The following HIP1R variants were observed in gnomAD, a reference collection of about 807,000 sequenced individuals.
HIP1R encodes the protein huntingtin interacting protein 1 related, also known as huntingtin-interacting protein 1-related protein.
In HIP1R, 135 loss-of-function variants were observed where a neutral mutation model predicts 144.2. The observed-to-expected ratio is 0.94, with a 90% CI of 0.81 to 1.08. The LOEUF (loss-of-function observed/expected upper bound fraction) is 1.08. Among genes scored for constraint, HIP1R ranks in the 50% least tolerant of loss-of-function variants. The pLI is 0.00. For missense variants in HIP1R, 1,462 were observed against 1,432.8 expected (o/e 1.02, Z -0.33); for synonymous variants, 698 against 612.8 (o/e 1.14, Z -2.05).
rs1021323289 is a variant in HIP1R at position 122,854,164 on chromosome 12, C to T, written c.699C>T (p.Leu233=). Residue 233 remains leucine, a synonymous_variant, in exon 8 of 32, where the codon CTC becomes CTT. Transcript: ENST00000253083. The part of the protein sequence containing the change: ...CSHLYHYTVK[L]LFKLHSCLPA... The stretch of plus-strand genomic sequence containing the variant: ...ACCTCTACCACTACACGGTCAAGCT[C>T]CTGTTCAAGCTACACTCTTGTGAGT... The T allele has an allele frequency of 6.2e-7, 1 of 1,613,818 alleles. No homozygotes were observed. Among genetic ancestry groups the T allele is most frequent in the South Asian group, 1.1e-5 (1 of 91,058 alleles).
In HIP1R at chr12:122,856,535, A is replaced by G. The variant is rs1381384318; in HGVS notation, c.1505A>G (p.Glu502Gly). 6.2e-7 allele frequency: 1 copy of G among 1,600,204 alleles called. No homozygotes were observed. Among genetic ancestry groups the G allele is most frequent in the East Asian group, 2.3e-5 (1 of 44,372 alleles). Reference protein sequence around the residue: ...LAFQVEQVKRESELKLEEKSD... With the variant: ...LAFQVEQVKRGSELKLEEKSD... ...TTCCAGGTGGAGCAGGTGAAGCGGGAGTCGGAGTTGAAGGTATGTCCCTTG... is the reference window on the plus strand; with the variant it reads ...TTCCAGGTGGAGCAGGTGAAGCGGGGGTCGGAGTTGAAGGTATGTCCCTTG... Residue 502 changes from glutamate to glycine, a missense_variant, in exon 16 of 32, where the codon GAG (glutamate) becomes GGG (glycine). Glu to Gly is a moderately conservative substitution (Grantham distance 98). Coordinates refer to ENST00000253083, the MANE Select transcript of HIP1R (RefSeq NM_003959.3).
chr12:122,849,121 C>T (rs972979832), intron 4 of HIP1R, among the ~76,000 whole-genome samples: 1 of 152,260 alleles, frequency 6.6e-6, no homozygotes, highest in African/African-American at 2.4e-5. Flanking sequence ...AAGACCACAG[C>T]CCGGGCACCT....
intron 7 of HIP1R, among the ~76,000 whole-genome samples, chr12:122,852,499 C>T (rs749397701): frequency 4.7e-4 from 71 of 152,300 alleles, no homozygotes; most frequent in African/African-American, 1.6e-3. Context: ...AGTGGCCCCA[C>T]GAGGGAAGTG....
At position 122,840,983 on chromosome 12, in the gene HIP1R, A is replaced by G. The variant is rs1201213959; in HGVS notation, c.93+5340A>G. Among the ~76,000 whole-genome samples the G allele has an allele frequency of 6.6e-6, 1 of 152,178 alleles. No homozygotes were observed. The highest frequency in any genetic ancestry group is 1.5e-5 in the Non-Finnish European group (1 of 68,026). ...CCAGCGCTGCACCGGTCATTCGCGAATGAAACCCAGCTGGCCACTGGATCC... is the reference window on the plus strand; with the variant it reads ...CCAGCGCTGCACCGGTCATTCGCGAGTGAAACCCAGCTGGCCACTGGATCC... On this transcript the variant is annotated intron_variant, in intron 1 of 31. Coordinates refer to ENST00000253083, the MANE Select transcript of HIP1R (RefSeq NM_003959.3). The surrounding 1 kb of genome is among the most constrained non-coding windows in gnomAD (Gnocchi z 4.2).
chr12:122,855,471 CG>C (rs1023622058), intron 11 of HIP1R, 66 bp downstream of exon 11: 2 of 1,546,498 alleles, frequency 1.3e-6, no homozygotes, highest in African/African-American at 2.7e-5. Flanking sequence ...ACGGGAGTGT[CG>C]GGTGGCCAGC....
chr12:122,840,966 G>T lies in HIP1R; in HGVS notation c.93+5323G>T, dbSNP rs1225150390. On this transcript the variant is annotated intron_variant, in intron 1 of 31. Transcript: ENST00000253083. This position sits in a 1 kb window ranked among gnomAD's most constrained non-coding sequence, Gnocchi z 4.2. ...AGAAGCCAGCCTCCCAGCCAGCGCT[G>T]CACCGGTCATTCGCGAATGAAACCC... is the stretch of plus-strand genomic sequence containing the variant. 2.0e-5 allele frequency among the ~76,000 whole-genome samples: 3 copies of T among 152,194 alleles called. No individual in the cohort carries two copies. Among genetic ancestry groups the T allele is most frequent in the African/African-American group, 4.8e-5 (2 of 41,432 alleles).
intron 28 of HIP1R, 28 bp from the exon 29 acceptor site, chr12:122,860,888 G>A (rs1449054568): frequency 6.2e-7 from 1 of 1,602,972 alleles, no homozygotes; most frequent in Non-Finnish European, 8.5e-7. Context: ...TGGGAGACCT[G>A]GGCCCACCCT....
chr12:122,850,170 C>T (rs539232427), intron 5 of HIP1R: 113 of 676,622 alleles, frequency 1.7e-4, no homozygotes, highest in East Asian at 8.5e-4. Flanking sequence ...GACGTGGGCA[C>T]GGGCTTCCCC....
intron 9 of HIP1R, 42 bp downstream of exon 9, chr12:122,855,004 G>A (rs553363533): frequency 6.2e-7 from 1 of 1,613,492 alleles, no homozygotes; most frequent in South Asian, 1.1e-5. Context: ...CGGTGGGGGA[G>A]AGGCTCCGTG....
At chr12:122,847,377 G>A (rs1469215279) in intron 1 of HIP1R, among the ~76,000 whole-genome samples, 2 of 152,182 alleles carry the variant, frequency 1.3e-5, no homozygotes, top group African/African-American at 2.4e-5. Flanking sequence ...CAAGTGTGAA[G>A]GTGCCACTTG....
At chr12:122,845,146 C>T (rs1444752177) in intron 1 of HIP1R, among the ~76,000 whole-genome samples, 1 of 152,244 alleles carries the variant, frequency 6.6e-6, no homozygotes, top group Non-Finnish European at 1.5e-5. Flanking sequence ...GCCCGAGTGC[C>T]TGCTGCTGCG....
chr12:122,843,246 C>A (rs1178839747), intron 1 of HIP1R, among the ~76,000 whole-genome samples: 1 of 152,196 alleles, frequency 6.6e-6, no homozygotes, highest in South Asian at 2.1e-4. Context: ...CTGGGAGGGG[C>A]CTGAGGGGCT....
At chr12:122,843,227 C>G (rs1451876308) in intron 1 of HIP1R, among the ~76,000 whole-genome samples, 1 of 152,246 alleles carries the variant, frequency 6.6e-6, no homozygotes, top group Admixed American at 6.5e-5. Flanking sequence ...CCATGCAGCC[C>G]AGGGCCGCCT....
In HIP1R at chr12:122,840,611, T is replaced by G. The variant is rs542215611; in HGVS notation, c.93+4968T>G. 3.3e-5 allele frequency among the ~76,000 whole-genome samples: 5 copies of G among 152,350 alleles called. No individual in the cohort carries two copies. The South Asian group carries it at 1.0e-3, about 32-fold the overall frequency. ...TTATGTTGTGTTCAGAAGAGCAGGC[T>G]GGGCTGAAAGAGAGAAACAAGCTCC... is the stretch of plus-strand genomic sequence containing the variant. On this transcript the variant is annotated intron_variant, in intron 1 of 31. Transcript: ENST00000253083. The surrounding 1 kb of genome is among the most constrained non-coding windows in gnomAD (Gnocchi z 4.2).
intron 6 of HIP1R, 72 bp downstream of exon 6, chr12:122,850,983 C>T (rs1296712750): frequency 1.5e-6 from 2 of 1,363,946 alleles, no homozygotes; most frequent in African/African-American, 2.9e-5. Flanking sequence ...CGTCTCACGC[C>T]CAGGCGTCCG....
At position 122,840,917 on chromosome 12, in the gene HIP1R, G is replaced by A. The variant is rs146496812; in HGVS notation, c.93+5274G>A. 1.2e-3 allele frequency among the ~76,000 whole-genome samples: 183 copies of A among 152,300 alleles called. No homozygotes were observed. Among genetic ancestry groups the A allele is most frequent in the Admixed American group, 2.1e-3 (32 of 15,290 alleles). ...CCTCTGAATAGGGACAGGCGCAGAC[G>A]AGGCCCCTTCTCTGACCTGATCCAG... On this transcript the variant is annotated intron_variant, in intron 1 of 31. Transcript: ENST00000253083. This position sits in a 1 kb window ranked among gnomAD's most constrained non-coding sequence, Gnocchi z 4.2.
intron 6 of HIP1R, 55 bp downstream of exon 6, chr12:122,850,966 C>T (rs1006468861): frequency 2.6e-6 from 4 of 1,515,614 alleles, no homozygotes; most frequent in Admixed American, 1.8e-5. Flanking sequence ...CCCATTCCTT[C>T]CTACCGCGTC....
intron 1 of HIP1R, 147 bp from the exon 2 acceptor site, chr12:122,847,884 G>A: frequency 1.6e-6 from 1 of 637,514 alleles, no homozygotes. Context: ...CAGAAGCTTA[G>A]GTTGAGGGGA....
chr12:122,845,857 CCTCA>C (rs1258755843), intron 1 of HIP1R, among the ~76,000 whole-genome samples: 1 of 152,170 alleles, frequency 6.6e-6, no homozygotes, highest in Non-Finnish European at 1.5e-5. Flanking sequence ...TGCACCTTGG[CCTCA>C]CTGTGTCTTT....
Sources: gnomAD v4.1 joint callset for allele counts (sites outside exome capture counted in the v4.1 genomes callset) on GRCh38, gnomAD v4.1.1 for gene constraint, Gnocchi (gnomAD v3.1) non-coding constraint, MANE v1.5 for transcripts, NCBI Gene and HGNC (gene_info 2026-07-23, HGNC 2026-07-21) for gene names.